Variants in PIK3R5 observed in about 807,000 individuals in gnomAD.
The protein encoded by PIK3R5 is phosphoinositide-3-kinase regulatory subunit 5, also known as phosphoinositide 3-kinase regulatory subunit 5.
PIK3R5 carries 32 observed loss-of-function variants against 94.9 expected under a neutral mutation model. The ratio of observed to expected loss-of-function variants is 0.34; its 90% CI spans 0.25 to 0.45. PIK3R5 has a LOEUF of 0.45. PIK3R5 is among the 20% of genes least tolerant of loss of function. The probability of loss-of-function intolerance (pLI) is 1.00; values close to 1 mark genes in which losing one functional copy is unlikely to be tolerated. For synonymous variants in PIK3R5, 443 were observed against 479.4 expected (o/e 0.92, Z 0.99); for missense variants, 853 against 1,144.6 (o/e 0.75, Z 3.68).
At chr17:8,885,446 T>C (rs2089802551) in intron 14 of PIK3R5, among the ~76,000 whole-genome samples, 1 of 104,822 alleles carries the variant, frequency 9.5e-6, no homozygotes, top group Non-Finnish European at 1.8e-5. Flanking sequence ...GCCTCCTGGG[T>C]AACCCCGCCC....
chr17:8,881,805 C>G lies in PIK3R5; in HGVS notation c.2282G>C (p.Arg761Pro), dbSNP rs201281083. Residue 761 changes from arginine (R) to proline (P), a missense_variant, in exon 16 of 19, where the codon CGG becomes CCG. Physicochemically the swap from Arg to Pro is moderately radical, Grantham distance 103 (BLOSUM62 -2). Coordinates refer to ENST00000447110, the MANE Select transcript of PIK3R5 (RefSeq NM_001142633.3). This position sits in a 1 kb window ranked among gnomAD's most constrained non-coding sequence, Gnocchi z 4.8. ...CCACTCACCCAGCTCCTCCTGCTTC[C>G]GGCAGGCCTTGTTGAGGTTCACGGA... ...CTSVNLNKAC[R>P]KQEELDSSME... 4 of 1,614,084 alleles carry G rather than the reference C, an allele frequency of 2.5e-6. No homozygotes were observed. The highest frequency in any genetic ancestry group is 3.4e-6 in the Non-Finnish European group (4 of 1,179,962).
chr17:8,936,917 T>G (rs2091087688), intron 1 of PIK3R5, among the ~76,000 whole-genome samples: 1 of 152,216 alleles, frequency 6.6e-6, no homozygotes, highest in South Asian at 2.1e-4. Flanking sequence ...TTTATTTAGA[T>G]TTCTGTAGAT....
chr17:8,940,624 G>T (rs538030215), intron 1 of PIK3R5, among the ~76,000 whole-genome samples: 5 of 152,302 alleles, frequency 3.3e-5, no homozygotes, highest in East Asian at 1.9e-4. Flanking sequence ...GTGCACTGGT[G>T]CAATCTCGGC....
At chr17:8,943,549 C>T (rs1306283077) in intron 1 of PIK3R5, among the ~76,000 whole-genome samples, 1 of 152,128 alleles carries the variant, frequency 6.6e-6, no homozygotes, top group Non-Finnish European at 1.5e-5. Flanking sequence ...GAGGCGGATG[C>T]ATCATCAGGT....
At chr17:8,899,876 A>G (rs949658308) in intron 5 of PIK3R5, among the ~76,000 whole-genome samples, 2 of 152,092 alleles carry the variant, frequency 1.3e-5, no homozygotes, top group African/African-American at 4.8e-5. Flanking sequence ...CGTCTCTACT[A>G]AAAATACAAA....
intron 1 of PIK3R5, among the ~76,000 whole-genome samples, chr17:8,963,102 C>T (rs1274190463): frequency 6.6e-6 from 1 of 151,606 alleles, no homozygotes; most frequent in Non-Finnish European, 1.5e-5. Flanking sequence ...CTTGGCTTCC[C>T]AAAGTGCTGG....
intron 1 of PIK3R5, among the ~76,000 whole-genome samples, chr17:8,927,871 C>G (rs1291824856): frequency 6.6e-6 from 1 of 152,084 alleles, no homozygotes; most frequent in Non-Finnish European, 1.5e-5. Flanking sequence ...TGGTTGGGAA[C>G]CAGCTTAGTT....
At chr17:8,942,032 T>G (rs1319477567) in intron 1 of PIK3R5, among the ~76,000 whole-genome samples, 1 of 152,144 alleles carries the variant, frequency 6.6e-6, no homozygotes, top group Non-Finnish European at 1.5e-5. Context: ...CGGGTTTCCT[T>G]GGAGACAGGG....
intron 10 of PIK3R5, among the ~76,000 whole-genome samples, 197 bp downstream of exon 10, chr17:8,887,974 C>G (rs985481532): frequency 6.8e-6 from 1 of 147,938 alleles, no homozygotes; most frequent in African/African-American, 2.5e-5. Context: ...GCACTCCAGC[C>G]CGGGCAACAG....
At chr17:8,961,312 T>G (rs1252477290) in intron 1 of PIK3R5, among the ~76,000 whole-genome samples, 1 of 152,154 alleles carries the variant, frequency 6.6e-6, no homozygotes, top group Non-Finnish European at 1.5e-5. Context: ...TGGAAAGTCA[T>G]GCAGCTCTGC....
chr17:8,943,011 G>A (rs2091213596), intron 1 of PIK3R5, among the ~76,000 whole-genome samples: 1 of 144,474 alleles, frequency 6.9e-6, no homozygotes, highest in Non-Finnish European at 1.5e-5. Flanking sequence ...ATTTGAAAGT[G>A]AGTTGCAGGC....
At chr17:8,951,528 C>T (rs1323018554) in intron 1 of PIK3R5, among the ~76,000 whole-genome samples, 2 of 152,214 alleles carry the variant, frequency 1.3e-5, no homozygotes, top group African/African-American at 4.8e-5. Context: ...GCTTACTTCA[C>T]TTAGCATAAT....
Position 8,890,999 on chromosome 17 carries a change from G to T in PIK3R5, c.483-87C>A. 1 of 1,312,864 alleles carries T rather than the reference G, an allele frequency of 7.6e-7. No homozygotes were observed. Among genetic ancestry groups the T allele is most frequent in the Non-Finnish European group, 1.0e-6 (1 of 953,346 alleles). 81.3% of individuals were successfully genotyped at this position (1,312,864 alleles called of 1,614,324 possible). On this transcript the variant is annotated intron_variant, in intron 6 of 18. Coordinates refer to ENST00000447110, the MANE Select transcript of PIK3R5 (RefSeq NM_001142633.3). This position sits in a 1 kb window ranked among gnomAD's most constrained non-coding sequence, Gnocchi z 6.1. Reference sequence around the variant, plus strand: ...CCCCCCTCGTGCCTGCTGGTGCTCAGCTCCACTGAGACCAGGGCCTCCTCA... The same window carrying T: ...CCCCCCTCGTGCCTGCTGGTGCTCATCTCCACTGAGACCAGGGCCTCCTCA...
intron 1 of PIK3R5, among the ~76,000 whole-genome samples, chr17:8,956,088 G>T (rs1237195940): frequency 1.3e-5 from 2 of 152,056 alleles, no homozygotes; most frequent in Non-Finnish European, 2.9e-5. Flanking sequence ...TGAGCCTGGG[G>T]AGGTTGACAC....
intron 1 of PIK3R5, among the ~76,000 whole-genome samples, chr17:8,949,528 G>C (rs1217397675): frequency 6.6e-6 from 1 of 152,170 alleles, no homozygotes; most frequent in Middle Eastern, 3.2e-3. Context: ...GACAGAGACA[G>C]AGAAAGACAG....
rs537035951 is a variant in PIK3R5, at chr17:8,911,412, C to T, written c.83G>A (p.Arg28His). 8 of 1,599,724 alleles carry T rather than the reference C, an allele frequency of 5.0e-6. No individual in the cohort carries two copies. Among genetic ancestry groups the T allele is most frequent in the South Asian group, 2.2e-5 (2 of 91,072 alleles). The change falls in exon 2 of 19, where the codon CGC (arginine) becomes CAC (histidine). Residue 28 changes from arginine (R) to histidine (H), a missense_variant. Physicochemically the swap from Arg to His is conservative, Grantham distance 29. Around this residue, in one of 6 missense-constraint regions of PIK3R5, gnomAD observed 108 missense variants for 170.1 expected, o/e 0.63. Coordinates refer to ENST00000447110, the MANE Select transcript of PIK3R5 (RefSeq NM_001142633.3). This position sits in a 1 kb window ranked among gnomAD's most constrained non-coding sequence, Gnocchi z 5.3. ...ERCLHGLSLS[R>H]RSTSWSAGLC... is the part of the protein sequence containing the mutation. Reference sequence around the variant, plus strand: ...CCGACCTGACCAGGAGGTGGAGCGGCGGCTGAGGCTGAGTCCATGCAGGCA... The same window carrying T: ...CCGACCTGACCAGGAGGTGGAGCGGTGGCTGAGGCTGAGTCCATGCAGGCA...
At position 8,945,119 on chromosome 17, in the gene PIK3R5, T is replaced by C. The variant is rs1186993393; in HGVS notation, c.-14+20477A>G. 6.6e-6 allele frequency among the ~76,000 whole-genome samples: 1 copy of C among 152,138 alleles called. No individual in the cohort carries two copies. The highest frequency in any genetic ancestry group is 2.4e-5 in the African/African-American group (1 of 41,424). ...TCTCATTGTTTCAGCTGTGGCAGGC[T>C]TCTAGCCAAACCCTGGCTCGGCCCC... On this transcript the variant is annotated intron_variant, in intron 1 of 18. Transcript: ENST00000447110. This position sits in a 1 kb window ranked among gnomAD's most constrained non-coding sequence, Gnocchi z 4.0.
chr17:8,895,027 T>C (rs2090120470), intron 5 of PIK3R5, among the ~76,000 whole-genome samples: 1 of 152,232 alleles, frequency 6.6e-6, no homozygotes, highest in Non-Finnish European at 1.5e-5. Context: ...ATGTTTACTT[T>C]ATGTAATCAT....
chr17:8,880,701 C>T lies in PIK3R5; in HGVS notation c.2581G>A (p.Ala861Thr), dbSNP rs755332873. Reference sequence around the variant, plus strand: ...CAGAGAAGGGAGCAGAGATCAGGTGCGGCCTGGGCCGGCAGGTCAGGAGGC... The same window carrying T: ...CAGAGAAGGGAGCAGAGATCAGGTGTGGCCTGGGCCGGCAGGTCAGGAGGC... ...QTPPDLPAQA[A>T]PDLCSLLCLP... The change falls in exon 19 of 19, where the codon GCA becomes ACA. Residue 861 changes from alanine (A) to threonine (T), a missense_variant. Physicochemically the swap from Ala to Thr is moderately conservative, Grantham distance 58. Around this residue, in one of 6 missense-constraint regions of PIK3R5, gnomAD observed 91 missense variants for 90.5 expected, o/e 1.01. Transcript: ENST00000447110. 56 of 1,613,682 alleles carry T rather than the reference C, an allele frequency of 3.5e-5. No individual in the cohort carries two copies. Among genetic ancestry groups the T allele is most frequent in the Middle Eastern group, 1.6e-4 (1 of 6,082 alleles).
Sources: gnomAD v4.1 joint callset for allele counts (sites outside exome capture counted in the v4.1 genomes callset) on GRCh38, gnomAD v4.1.1 for gene constraint, gnomAD v4.1.1 regional missense constraint, Gnocchi (gnomAD v3.1) non-coding constraint, MANE v1.5 for transcripts, NCBI Gene and HGNC (gene_info 2026-07-23, HGNC 2026-07-21) for gene names.